PDE4D: variants seen among roughly 807,000 people sequenced by gnomAD.
PDE4D encodes phosphodiesterase 4D, also known as 3',5'-cyclic-AMP phosphodiesterase 4D.
Under a neutral mutation model 87.4 loss-of-function variants are expected in PDE4D, and 24 were observed. The observed-to-expected ratio is 0.27, with a 90% CI of 0.20 to 0.39. The LOEUF is 0.39. PDE4D is among the 10% of genes least tolerant of loss of function. The pLI, the probability that PDE4D is intolerant of heterozygous loss-of-function variation, is 1.00. For missense variants in PDE4D, 714 were observed against 1,041.0 expected (o/e 0.69, Z 4.32); for synonymous variants, 384 against 383.2 (o/e 1.00, Z -0.02).
At chr5:59,171,110 G>C (rs1486846679) in intron 5 of PDE4D, among the ~76,000 whole-genome samples, 1 of 152,070 alleles carries the variant, frequency 6.6e-6, no homozygotes, top group African/African-American at 2.4e-5. Context: ...TTGAACTCCT[G>C]ACCTCAGGTG....
intron 5 of PDE4D, among the ~76,000 whole-genome samples, chr5:59,101,043 G>T (rs1770652702): frequency 6.6e-6 from 1 of 152,142 alleles, no homozygotes; most frequent in East Asian, 1.9e-4. Context: ...GCTGGTTTGG[G>T]TCTCCATGCC....
At chr5:59,958,625 T>C (rs759221519) in intron 3 of PDE4D, among the ~76,000 whole-genome samples, 14 of 152,160 alleles carry the variant, frequency 9.2e-5, no homozygotes, top group African/African-American at 2.7e-4. Flanking sequence ...AGAAAAAGCA[T>C]TGGACAAAAT....
chr5:59,612,366 T>C (rs2150073517), intron 1 of PDE4D, among the ~76,000 whole-genome samples: 1 of 152,192 alleles, frequency 6.6e-6, no homozygotes, highest in South Asian at 2.1e-4. Flanking sequence ...TGAATATAAA[T>C]ATGGGCAAGT....
intron 1 of PDE4D, among the ~76,000 whole-genome samples, chr5:59,822,750 G>T (rs1419093744): frequency 5.3e-5 from 8 of 152,134 alleles, no homozygotes; most frequent in Admixed American, 4.6e-4. Context: ...TTTATACGTG[G>T]CCTAAAACAA....
In PDE4D at chr5:59,901,387, T is replaced by C. The variant is rs371941943; in HGVS notation, c.272+87101A>G. ...TGAAATTATTAGAATAGTATTATAG[T>C]ATTCATGCAAGGAAGGATTTTTTTA... On this transcript the variant is annotated intron_variant, in intron 3 of 16. Coordinates refer to the PDE4D transcript ENST00000502484. 6.6e-5 allele frequency among the ~76,000 whole-genome samples: 10 copies of C among 152,324 alleles called. No homozygotes were observed. The South Asian group carries it at 1.2e-3, about 19-fold the overall frequency.
intron 5 of PDE4D, among the ~76,000 whole-genome samples, chr5:59,141,871 C>T (rs1466711022): frequency 6.6e-6 from 1 of 152,158 alleles, no homozygotes; most frequent in African/African-American, 2.4e-5. Flanking sequence ...GTTATAGCTT[C>T]AGGGGCTCCC....
chr5:59,039,297 G>A, intron 5 of PDE4D: 2 of 1,068,798 alleles, frequency 1.9e-6, no homozygotes, highest in South Asian at 2.9e-5. Context: ...ACTGTGCGGC[G>A]GGCCCGAGTC....
intron 6 of PDE4D, among the ~76,000 whole-genome samples, chr5:58,997,448 T>TACA (rs1749493360): frequency 6.6e-6 from 1 of 152,166 alleles, no homozygotes; most frequent in Admixed American, 6.5e-5. Flanking sequence ...TTAAAGCTAA[T>TACA]ACAATGTATT....
At chr5:60,065,024 A>G (rs1771896954) in intron 2 of PDE4D, among the ~76,000 whole-genome samples, 1 of 152,188 alleles carries the variant, frequency 6.6e-6, no homozygotes, top group South Asian at 2.1e-4. Context: ...ACAGAAAAGA[A>G]ATACAATAGT....
intron 3 of PDE4D, among the ~76,000 whole-genome samples, chr5:59,982,845 A>C (rs1762063062): frequency 6.6e-6 from 1 of 152,216 alleles, no homozygotes. Flanking sequence ...AGCCAATTCC[A>C]ATAAGTAAAC....
At chr5:59,229,462 G>T (rs914278186) in intron 1 of PDE4D, among the ~76,000 whole-genome samples, 1 of 152,138 alleles carries the variant, frequency 6.6e-6, no homozygotes, top group Non-Finnish European at 1.5e-5. Context: ...GGGTTATTTT[G>T]AATATCCTTC....
At chr5:59,492,859 A>C (rs912320949) in intron 1 of PDE4D, among the ~76,000 whole-genome samples, 6 of 152,126 alleles carry the variant, frequency 3.9e-5, no homozygotes, top group African/African-American at 1.4e-4. Flanking sequence ...TTTTATAAAG[A>C]GGAGTTCCCC....
At chr5:59,947,353 G>A (rs556090591) in intron 3 of PDE4D, among the ~76,000 whole-genome samples, 25 of 152,164 alleles carry the variant, frequency 1.6e-4, no homozygotes, top group African/African-American at 5.8e-4. Context: ...CCTGATTCAC[G>A]GAAACAGGAG....
At chr5:59,936,075 G>A (rs1485092454) in intron 3 of PDE4D, among the ~76,000 whole-genome samples, 2 of 152,046 alleles carry the variant, frequency 1.3e-5, no homozygotes, top group Admixed American at 6.5e-5. Flanking sequence ...TCCCACCAAC[G>A]GTGTAAACCA....
At chr5:59,340,515 T>G (rs567233301) in intron 1 of PDE4D, among the ~76,000 whole-genome samples, 1 of 152,316 alleles carries the variant, frequency 6.6e-6, no homozygotes. Flanking sequence ...CCTCAATAAT[T>G]TATCCTTTGT....
chr5:60,140,747 T>C (rs576075513), intron 2 of PDE4D, among the ~76,000 whole-genome samples: 1 of 152,244 alleles, frequency 6.6e-6, no homozygotes, highest in East Asian at 1.9e-4. Flanking sequence ...AGGTAAACTG[T>C]AGAACCTAAC....
intron 5 of PDE4D, among the ~76,000 whole-genome samples, chr5:59,070,365 T>C (rs981170557): frequency 1.3e-5 from 2 of 152,164 alleles, no homozygotes; most frequent in African/African-American, 4.8e-5. Flanking sequence ...TACATACATG[T>C]ATCTTCCACT....
chr5:59,136,745 T>G (rs1301619653), intron 5 of PDE4D, among the ~76,000 whole-genome samples: 2 of 152,216 alleles, frequency 1.3e-5, no homozygotes, highest in African/African-American at 4.8e-5. Context: ...AACATCTATT[T>G]GCTATCCTGC....
chr5:60,238,898 C>G (rs1019219954), intron 1 of PDE4D, among the ~76,000 whole-genome samples: 1 of 151,850 alleles, frequency 6.6e-6, no homozygotes, highest in African/African-American at 2.4e-5. Context: ...CCCACTTATG[C>G]CTGAGGTTGC....
Sources: gnomAD v4.1 joint callset for allele counts (sites outside exome capture counted in the v4.1 genomes callset) on GRCh38, gnomAD v4.1.1 for gene constraint, MANE v1.5 for transcripts, NCBI Gene and HGNC (gene_info 2026-07-23, HGNC 2026-07-21) for gene names.